The following MAX variants were observed in gnomAD, a reference collection of about 807,000 sequenced individuals.
MAX encodes the protein MYC associated transcriptional regulator X.
MAX carries 3 observed loss-of-function variants against 22.3 expected under a neutral mutation model. The observed-to-expected ratio is 0.13, with a 90% confidence interval of 0.06 to 0.35. MAX has a LOEUF of 0.35. Among genes scored for constraint, MAX ranks in the 10% least tolerant of loss-of-function variants. The probability of loss-of-function intolerance (pLI) is 1.00; values close to 1 mark genes in which losing one functional copy is unlikely to be tolerated. For synonymous variants in MAX, 72 were observed against 77.7 expected (o/e 0.93, Z 0.39); for missense variants, 119 against 209.4 (o/e 0.57, Z 2.66).
intron 3 of MAX, among the ~76,000 whole-genome samples, chr14:65,033,598 C>G (rs2062128468): frequency 6.6e-6 from 1 of 152,198 alleles, no homozygotes; most frequent in Non-Finnish European, 1.5e-5. Context: ...TGGCTCACGC[C>G]TGTAATTCCA....
rs564155789 is a variant in MAX at position 65,093,216 on chromosome 14, G to A, written c.171+492C>T. 6.6e-6 allele frequency among the ~76,000 whole-genome samples: 1 copy of A among 152,232 alleles called. No individual in the cohort carries two copies. The highest frequency in any genetic ancestry group is 1.9e-4 in the East Asian group (1 of 5,190). ...CTTAAAATGCTCTTTATACGCCTTG[G>A]AAATAACAATTATTGGGGCTGGAAA... On this transcript the variant is annotated intron_variant, in intron 3 of 4. Transcript: ENST00000358664. The surrounding 1 kb of genome is among the most constrained non-coding windows in gnomAD (Gnocchi z 4.4).
rs1566554238 is a variant in MAX, at chr14:65,028,804, G to GT, written c.172-22521dup. Among the ~76,000 whole-genome samples the GT allele has an allele frequency of 2.0e-5, 3 of 152,180 alleles. No homozygotes were observed. The highest frequency in any genetic ancestry group is 4.4e-5 in the Non-Finnish European group (3 of 68,036). On this transcript the variant is annotated intron_variant, in intron 3 of 3. Coordinates refer to the MAX transcript ENST00000341653. The surrounding 1 kb of genome is among the most constrained non-coding windows in gnomAD (Gnocchi z 4.4). The stretch of plus-strand genomic sequence containing the variant: ...TGTGTTGATTCTTCTTAAGGAAAAT[G>GT]TTAAAAGAGTTTTTTTCCCTCGTGT...
upstream of MAX, chr14:65,102,614 C>T (rs1015578351): frequency 4.2e-5 from 55 of 1,298,074 alleles, no homozygotes; most frequent in Non-Finnish European, 4.9e-5. Context: ...AGTTCTTGTC[C>T]CTCTAACAGA....
intron 3 of MAX, among the ~76,000 whole-genome samples, chr14:65,067,442 C>G (rs1419388637): frequency 6.6e-6 from 1 of 152,182 alleles, no homozygotes; most frequent in African/African-American, 2.4e-5. Context: ...CCACCCAGGA[C>G]ACTACATTAC....
chr14:65,073,363 T>A (rs1566593952), downstream of MAX, among the ~76,000 whole-genome samples: 1 of 152,206 alleles, frequency 6.6e-6, no homozygotes, highest in East Asian at 1.9e-4. Context: ...TTTAAACCTG[T>A]CTCAGCTAAG....
chr14:65,008,427 A>C (rs190316300), intron 3 of MAX, among the ~76,000 whole-genome samples: 220 of 152,352 alleles, frequency 1.4e-3, no homozygotes, highest in Middle Eastern at 0.014. Flanking sequence ...GAGCAAGGCT[A>C]GCCCTGGGCC....
chr14:65,086,537 C>T (rs1056414293), intron 3 of MAX, among the ~76,000 whole-genome samples: 69 of 152,292 alleles, frequency 4.5e-4, no homozygotes, highest in African/African-American at 1.6e-3. Context: ...TGTTACGTTT[C>T]AGCAAAGAGA....
intron 3 of MAX, among the ~76,000 whole-genome samples, chr14:65,037,756 ATTTAT>A (rs2062243343): frequency 2.4e-5 from 3 of 126,606 alleles, no homozygotes; most frequent in African/African-American, 9.6e-5. Flanking sequence ...TTATTTATTT[ATTTAT>A]TTATTTATTT....
chr14:65,087,324 A>T (rs2063364844), intron 3 of MAX, among the ~76,000 whole-genome samples: 1 of 152,216 alleles, frequency 6.6e-6, no homozygotes, highest in Non-Finnish European at 1.5e-5. Context: ...TGCAGACCCC[A>T]GAATGGTAGA....
rs1461077541 is a variant in MAX, at chr14:65,077,810, G to A, written c.295+103C>T. 6.2e-7 allele frequency: 1 copy of A among 1,614,120 alleles called. No homozygotes were observed. The highest frequency in any genetic ancestry group is 2.2e-5 in the East Asian group (1 of 44,886). ...GAAGCAGGACCAAGCCTGCTACTGAGCACATACTCCATGACTGGCTCTGAC... is the reference window on the plus strand; with the variant it reads ...GAAGCAGGACCAAGCCTGCTACTGAACACATACTCCATGACTGGCTCTGAC... On this transcript the variant is annotated intron_variant, in intron 4 of 4. Coordinates refer to ENST00000358664, the MANE Select transcript of MAX (RefSeq NM_002382.5). This position sits in a 1 kb window ranked among gnomAD's most constrained non-coding sequence, Gnocchi z 6.3.
chr14:65,045,130 C>T (rs1267675601), intron 3 of MAX, among the ~76,000 whole-genome samples: 2 of 150,762 alleles, frequency 1.3e-5, no homozygotes, highest in Non-Finnish European at 2.9e-5. Context: ...GGAACATTCT[C>T]TCTCTATCTC....
chr14:65,018,809 TAA>T (rs34066098), intron 3 of MAX, among the ~76,000 whole-genome samples: 1,096 of 108,410 alleles, frequency 0.01, 13 homozygotes, highest in East Asian at 0.083. Flanking sequence ...GACTCTGTCT[TAA>T]AAAAAAAAAA....
downstream of MAX, among the ~76,000 whole-genome samples, chr14:65,073,061 C>T (rs1056602990): frequency 6.6e-6 from 1 of 152,162 alleles, no homozygotes; most frequent in Non-Finnish European, 1.5e-5. Context: ...ACAGCAGAGG[C>T]ACCTCAGTGC....
At chr14:65,043,508 C>G (rs2062398215) in intron 3 of MAX, among the ~76,000 whole-genome samples, 1 of 152,122 alleles carries the variant, frequency 6.6e-6, no homozygotes, top group Non-Finnish European at 1.5e-5. Flanking sequence ...AAGTCAGGAG[C>G]AGTTTGAGAT....
intron 3 of MAX, among the ~76,000 whole-genome samples, chr14:65,086,079 G>A (rs955487076): frequency 3.9e-5 from 6 of 152,172 alleles, no homozygotes; most frequent in African/African-American, 1.4e-4. Context: ...CAGTTTCCCT[G>A]CACAAGTTCT....
In MAX at chr14:65,044,173, C is replaced by T; in HGVS notation, c.172-37889G>A. On this transcript the variant is annotated intron_variant, in intron 3 of 3. Transcript: ENST00000341653. The surrounding 1 kb of genome is among the most constrained non-coding windows in gnomAD (Gnocchi z 5.5). ...GTGTGGGGAGGGAAGGAAAGAAAAC[C>T]AGAGCACCAAAACTAGAGTGCCAAG... The T allele has an allele frequency of 4.1e-6, 6 of 1,470,684 alleles. No homozygotes were observed. The highest frequency in any genetic ancestry group is 5.6e-6 in the Non-Finnish European group (6 of 1,072,904). 91.1% of individuals were successfully genotyped at this position (1,470,684 alleles called of 1,614,324 possible). A position where few individuals can be genotyped will look rare whatever the true frequency, so the allele number is the denominator to read the frequency against.
At chr14:65,075,084 A>G (rs1369316518), downstream of MAX, 1 of 1,012,486 alleles carries the variant, frequency 9.9e-7, no homozygotes, top group South Asian at 4.6e-5. The surrounding 1 kb of genome is among the most constrained non-coding windows in gnomAD (Gnocchi z 4.1). Context: ...TCTCTCATCA[A>G]CCACCTTGGC....
At chr14:65,083,768 T>C (rs1222916042) in intron 3 of MAX, 2 of 1,105,816 alleles carry the variant, frequency 1.8e-6, no homozygotes, top group African/African-American at 3.2e-5. Flanking sequence ...CTGTTTTATT[T>C]TGTACTAGTT....
At chr14:65,087,246 G>A (rs1258594898) in intron 3 of MAX, among the ~76,000 whole-genome samples, 3 of 152,216 alleles carry the variant, frequency 2.0e-5, no homozygotes, top group African/African-American at 7.2e-5. Flanking sequence ...GAAATGTGGG[G>A]TCAGAGCCCC....
Sources: allele counts gnomAD v4.1 joint callset (sites outside exome capture counted in the v4.1 genomes callset), GRCh38; gene constraint gnomAD v4.1.1; non-coding constraint Gnocchi (gnomAD v3.1); transcripts MANE v1.5; gene names NCBI Gene and HGNC (gene_info 2026-07-23, HGNC 2026-07-21).